Variants in TRIM67 observed in about 807,000 individuals in gnomAD.
TRIM67 encodes the protein tripartite motif containing 67.
In TRIM67, 39 loss-of-function variants were observed where a neutral mutation model predicts 71.0. The ratio of observed to expected loss-of-function variants is 0.55; its 90% CI spans 0.43 to 0.72. The LOEUF (loss-of-function observed/expected upper bound fraction) is 0.72, where lower values mean the gene tolerates loss of function less well. Ranked by LOEUF, TRIM67 falls within the 30% of genes least tolerant of loss-of-function variation. TRIM67 has a pLI of 0.00. For synonymous variants in TRIM67, 481 were observed against 473.9 expected (o/e 1.01, Z -0.19); for missense variants, 973 against 1,079.2 (o/e 0.90, Z 1.38).
At chr1:231,187,298 G>T (rs909977267) in intron 1 of TRIM67, among the ~76,000 whole-genome samples, 4 of 152,164 alleles carry the variant, frequency 2.6e-5, no homozygotes, top group Non-Finnish European at 5.9e-5. Flanking sequence ...GAGATCATCT[G>T]CCTGGCGGAG....
rs1411707778 is a variant in TRIM67 at position 231,163,559 on chromosome 1, C to T, written c.590C>T (p.Pro197Leu). 5.3e-6 allele frequency: 8 copies of T among 1,512,362 alleles called. No individual in the cohort carries two copies. Among genetic ancestry groups the T allele is most frequent in the African/African-American group, 1.4e-5 (1 of 69,476 alleles). 93.7% of individuals were successfully genotyped at this position (1,512,362 alleles called of 1,614,324 possible). A position where few individuals can be genotyped will look rare whatever the true frequency, so the allele number is the denominator to read the frequency against. ...QRYQQGRGAV[P>L]GTSAAAAVAI... ...TACCAGCAGGGCCGCGGGGCCGTGC[C>T]GGGGACGTCTGCAGCCGCGGCGGTG... Residue 197 changes from proline to leucine, a missense_variant, in exon 1 of 10, where the codon CCG becomes CTG. Physicochemically the swap from Pro to Leu is moderately conservative, Grantham distance 98. Around this residue, in one of 2 missense-constraint regions of TRIM67, gnomAD observed 795 missense variants for 831.3 expected, o/e 0.96. Coordinates refer to ENST00000366653, the MANE Select transcript of TRIM67 (RefSeq NM_001004342.5).
chr1:231,204,578 C>T (rs1683644328), intron 6 of TRIM67, among the ~76,000 whole-genome samples: 1 of 152,162 alleles, frequency 6.6e-6, no homozygotes. Flanking sequence ...TCTAGAAACC[C>T]TGGAGCAGGA....
intron 2 of TRIM67, 68 bp downstream of exon 2, chr1:231,197,534 AG>A: frequency 6.7e-7 from 1 of 1,489,872 alleles, no homozygotes; most frequent in Admixed American, 1.7e-5. Context: ...CATCGTATTA[AG>A]AAGAAAGAGG....
At chr1:231,194,460 C>T (rs1193941406) in intron 1 of TRIM67, among the ~76,000 whole-genome samples, 1 of 152,102 alleles carries the variant, frequency 6.6e-6, no homozygotes, top group East Asian at 1.9e-4. Context: ...TGAGGCTCGA[C>T]TGGGGAAGAC....
At position 231,219,301 on chromosome 1, in the gene TRIM67, A is replaced by C; in HGVS notation, c.*3861A>C. On this transcript the variant is annotated 3_prime_UTR_variant, in exon 10 of 10. Coordinates refer to ENST00000366653, the MANE Select transcript of TRIM67 (RefSeq NM_001004342.5). ...ACCCCCAAGTTAGGTGTGACAACCAAAAGTATCTGTCGACATTGCTAGGTA... is the reference window on the plus strand; with the variant it reads ...ACCCCCAAGTTAGGTGTGACAACCACAAGTATCTGTCGACATTGCTAGGTA... The C allele has an allele frequency of 1.0e-6, 1 of 983,342 alleles. No individual in the cohort carries two copies. Among genetic ancestry groups the C allele is most frequent in the Non-Finnish European group, 1.2e-6 (1 of 827,836 alleles). The allele number at this position is 983,342 out of a possible 1,614,324, so 60.9% of individuals were successfully genotyped here.
chr1:231,164,130 A>G, intron 1 of TRIM67, 117 bp downstream of exon 1: 1 of 1,250,746 alleles, frequency 8.0e-7, no homozygotes, highest in Non-Finnish European at 1.0e-6. Flanking sequence ...GGCAGGAATT[A>G]CCTCACTCAT....
chr1:231,175,840 A>G (rs1034281312), intron 1 of TRIM67, among the ~76,000 whole-genome samples: 2 of 152,214 alleles, frequency 1.3e-5, no homozygotes, highest in Admixed American at 1.3e-4. Flanking sequence ...GATTCCTGCC[A>G]TTTGGGCCTC....
rs941411713 is a variant in TRIM67, at chr1:231,218,130, A to G, written c.*2690A>G. Reference sequence around the variant, plus strand: ...TGCCACACACTTGTGTTTTTGAGGGATCAGAAAAGTGAAGAAGGAACTTAT... The same window carrying G: ...TGCCACACACTTGTGTTTTTGAGGGGTCAGAAAAGTGAAGAAGGAACTTAT... On this transcript the variant is annotated 3_prime_UTR_variant, in exon 10 of 10. Coordinates refer to ENST00000366653, the MANE Select transcript of TRIM67 (RefSeq NM_001004342.5). 1.1e-4 allele frequency: 111 copies of G among 1,046,172 alleles called. No homozygotes were observed. Among genetic ancestry groups the G allele is most frequent in the Non-Finnish European group, 1.3e-4 (110 of 863,430 alleles). The allele number at this position is 1,046,172 out of a possible 1,614,324, so 64.8% of individuals were successfully genotyped here.
Position 231,219,151 on chromosome 1 carries a change from C to T in TRIM67, c.*3711C>T, listed in dbSNP as rs1684082944. 9.1e-6 allele frequency: 9 copies of T among 985,484 alleles called. No homozygotes were observed. The highest frequency in any genetic ancestry group is 1.1e-5 in the Non-Finnish European group (9 of 830,102). 61.0% of individuals were successfully genotyped at this position (985,484 alleles called of 1,614,324 possible). On this transcript the variant is annotated 3_prime_UTR_variant, in exon 10 of 10. Coordinates refer to ENST00000366653, the MANE Select transcript of TRIM67 (RefSeq NM_001004342.5). ...GTCAACATGTGAATGCTAAAGAACA[C>T]TGCTGCACAGCCCGTGGGGTGGCGC...
At chr1:231,177,087 A>C (rs1682774851) in intron 1 of TRIM67, among the ~76,000 whole-genome samples, 1 of 152,152 alleles carries the variant, frequency 6.6e-6, no homozygotes. Context: ...TTGGTCATTT[A>C]AATGGACAGG....
In TRIM67 at chr1:231,203,960, C is replaced by T. The variant is rs1417149504; in HGVS notation, c.1628C>T (p.Pro543Leu). The T allele has an allele frequency of 6.2e-7, 1 of 1,614,002 alleles. No individual in the cohort carries two copies. Among genetic ancestry groups the T allele is most frequent in the Non-Finnish European group, 8.5e-7 (1 of 1,179,878 alleles). The change falls in exon 6 of 10, where the codon CCC (proline) becomes CTC (leucine). Residue 543 changes from proline (P) to leucine (L), a missense_variant. Coordinates refer to ENST00000366653, the MANE Select transcript of TRIM67 (RefSeq NM_001004342.5). The part of the protein sequence containing the change: ...AWRMPPFTHS[P>L]VDGYILELDD... ...AGGATGCCACCCTTCACCCACAGCCCCGTGGACGGCTACATCCTGGAGCTG... is the reference window on the plus strand; with the variant it reads ...AGGATGCCACCCTTCACCCACAGCCTCGTGGACGGCTACATCCTGGAGCTG...
chr1:231,203,746 G>C (rs905837281), intron 5 of TRIM67, 121 bp from the exon 6 acceptor site: 2 of 1,320,066 alleles, frequency 1.5e-6, no homozygotes, highest in Admixed American at 4.6e-5. Flanking sequence ...GGGTGGCCAG[G>C]GAGGGAATTT....
chr1:231,194,744 A>G (rs1683320368), intron 1 of TRIM67, among the ~76,000 whole-genome samples: 2 of 152,322 alleles, frequency 1.3e-5, no homozygotes, highest in African/African-American at 4.8e-5. Flanking sequence ...GCACAGTGTC[A>G]TAATCATAAC....
chr1:231,206,914 G>C, intron 7 of TRIM67, 124 bp downstream of exon 7: 2 of 1,071,012 alleles, frequency 1.9e-6, no homozygotes, highest in South Asian at 1.9e-5. Context: ...GGCACGGCTG[G>C]GTTCTCCAAG....
At chr1:231,165,353 T>C (rs894636962) in intron 1 of TRIM67, among the ~76,000 whole-genome samples, 15 of 152,282 alleles carry the variant, frequency 9.9e-5, no homozygotes, top group African/African-American at 3.4e-4. Flanking sequence ...TAAAACCCAT[T>C]GGAAAAAAAT....
intron 1 of TRIM67, among the ~76,000 whole-genome samples, chr1:231,187,254 A>G (rs1395260066): frequency 6.6e-6 from 1 of 152,120 alleles, no homozygotes; most frequent in Non-Finnish European, 1.5e-5. Context: ...AGGCTCCCCA[A>G]GTGGGGAGTA....
intron 4 of TRIM67, 105 bp from the exon 5 acceptor site, chr1:231,201,253 T>G (rs2102750207): frequency 7.9e-7 from 1 of 1,259,008 alleles, no homozygotes; most frequent in East Asian, 2.6e-5. Context: ...AACCCTTTTC[T>G]GTCTCTGAGT....
chr1:231,216,018 T>TTAATCATTCATGCTTGAC lies in TRIM67; in HGVS notation c.*580_*597dup. On this transcript the variant is annotated 3_prime_UTR_variant, in exon 10 of 10. Transcript: ENST00000366653. ...AATGCAGGATTGATAGAAAGGGACATTAATCATTCATGCTTGACTTTTGCC... is the reference window on the plus strand; with the variant it reads ...AATGCAGGATTGATAGAAAGGGACATTAATCATTCATGCTTGACTAATCATTCATGCTTGACTTTTGCC... 1.0e-6 allele frequency: 1 copy of TTAATCATTCATGCTTGAC among 985,592 alleles called. No individual in the cohort carries two copies. Among genetic ancestry groups the TTAATCATTCATGCTTGAC allele is most frequent in the Non-Finnish European group, 1.2e-6 (1 of 830,048 alleles). The allele number at this position is 985,592 out of a possible 1,614,324, so 61.1% of individuals were successfully genotyped here. A position where few individuals can be genotyped will look rare whatever the true frequency, so the allele number is the denominator to read the frequency against.
chr1:231,219,410 C>T lies in TRIM67; in HGVS notation c.*3970C>T, dbSNP rs1008913575. ...ATGGATCTGTAGAGGGACTGTGGCG[C>T]TCCGGCTGCTTTGTTCCATAGAAAG... On this transcript the variant is annotated 3_prime_UTR_variant, in exon 10 of 10. Transcript: ENST00000366653. 3.7e-5 allele frequency: 37 copies of T among 1,012,394 alleles called. No individual in the cohort carries two copies. In the South Asian group the frequency reaches 1.2e-3, roughly 32 times the overall value. The allele number at this position is 1,012,394 out of a possible 1,614,324, so 62.7% of individuals were successfully genotyped here.
Sources: allele counts gnomAD v4.1 joint callset (sites outside exome capture counted in the v4.1 genomes callset), GRCh38; gene constraint gnomAD v4.1.1; regional missense constraint gnomAD v4.1.1; transcripts MANE v1.5; gene names NCBI Gene and HGNC (gene_info 2026-07-23, HGNC 2026-07-21).